Variants in CEP120 observed in about 807,000 individuals in gnomAD.
CEP120 encodes the protein centrosomal protein of 120 kDa.
Under a neutral mutation model 126.5 loss-of-function variants are expected in CEP120, and 113 were observed. That is an observed-to-expected ratio of 0.89 (90% CI 0.77 to 1.04). The LOEUF (loss-of-function observed/expected upper bound fraction) is 1.04. CEP120 is among the 50% of genes least tolerant of loss of function. The pLI is 0.00. For synonymous variants in CEP120, 400 were observed against 394.3 expected, an observed-to-expected ratio of 1.01 and a Z score of -0.17; for missense variants, 1,230 against 1,155.7, an observed-to-expected ratio of 1.06 and a Z score of -0.93.
chr5:123,422,504 T>C, intron 1 of CEP120: 2 of 1,535,454 alleles, frequency 1.3e-6, no homozygotes, highest in Non-Finnish European at 1.7e-6. Flanking sequence ...TTAAGAACTG[T>C]AGTCCCCTGA....
chr5:123,377,481 G>C lies in CEP120; in HGVS notation c.2251C>G (p.Leu751Val), dbSNP rs1771319304. The change falls in exon 16 of 20, where the codon CTG becomes GTG. Residue 751 changes from leucine (L) to valine (V), a missense_variant. Coordinates refer to ENST00000306467, the MANE Select transcript of CEP120 (RefSeq NM_001375405.1). Reference sequence around the variant, plus strand: ...TTGGCCCTACGGATAGAGTCCTGCAGTTCTTGCAGGTTCCGCTGACGTTCT... The same window carrying C: ...TTGGCCCTACGGATAGAGTCCTGCACTTCTTGCAGGTTCCGCTGACGTTCT... ...QSERQRNLQE[L>V]QDSIRRAKED... The C allele has an allele frequency of 6.2e-7, 1 of 1,602,176 alleles. No homozygotes were observed. The highest frequency in any genetic ancestry group is 8.5e-7 in the Non-Finnish European group (1 of 1,177,280).
At chr5:123,381,953 C>G (rs1034426895) in intron 14 of CEP120, among the ~76,000 whole-genome samples, 158 bp downstream of exon 14, 3 of 151,954 alleles carry the variant, frequency 2.0e-5, no homozygotes, top group Admixed American at 6.6e-5. Flanking sequence ...TACAGTGAAA[C>G]GCCTCCCTTC....
chr5:123,369,695 G>GGTGGTTAAGGA (rs1272755343), intron 17 of CEP120, among the ~76,000 whole-genome samples: 224 of 152,102 alleles, frequency 1.5e-3, no homozygotes, highest in African/African-American at 5.3e-3. Flanking sequence ...CCTCCTCAAA[G>GGTGGTTAAGGA]AGGCCTTCCT....
At chr5:123,367,658 A>G (rs541389302) in intron 17 of CEP120, among the ~76,000 whole-genome samples, 1 of 152,126 alleles carries the variant, frequency 6.6e-6, no homozygotes, top group East Asian at 1.9e-4. Context: ...CTAAAAGTGG[A>G]AACACCTCTG....
chr5:123,420,066 T>G (rs111908357), intron 1 of CEP120, among the ~76,000 whole-genome samples: 4 of 152,176 alleles, frequency 2.6e-5, no homozygotes, highest in African/African-American at 7.2e-5. Context: ...ACCTTGTGAG[T>G]TAAAGCCTGA....
intron 5 of CEP120, among the ~76,000 whole-genome samples, chr5:123,395,994 T>G (rs1313437383): frequency 6.7e-6 from 1 of 150,198 alleles, no homozygotes; most frequent in Non-Finnish European, 1.5e-5. Flanking sequence ...CATTCCTTTT[T>G]TTTTTTTTTT....
In CEP120 at chr5:123,345,097, C is replaced by T. The variant is rs1171646879; in HGVS notation, c.*1422G>A. On this transcript the variant is annotated 3_prime_UTR_variant, in exon 20 of 20. Coordinates refer to ENST00000306467, the MANE Select transcript of CEP120 (RefSeq NM_001375405.1). ...GCATTTTACCGCAGACCTTCCAAAA[C>T]ATAAGGCTTGCTTCTGTTCCATTCA... is the stretch of plus-strand genomic sequence containing the variant. The T allele has an allele frequency of 2.0e-5, 3 of 152,120 alleles. No homozygotes were observed. Among genetic ancestry groups the T allele is most frequent in the Non-Finnish European group, 2.9e-5 (2 of 68,028 alleles). 9.4% of individuals were successfully genotyped at this position (152,120 alleles called of 1,614,324 possible).
At chr5:123,357,630 C>T (rs963058829) in intron 18 of CEP120, among the ~76,000 whole-genome samples, 10 of 152,216 alleles carry the variant, frequency 6.6e-5, no homozygotes, top group South Asian at 2.1e-4. Context: ...GGCATGGTGA[C>T]GTGCACCTGT....
chr5:123,358,714 G>C (rs545926780), intron 18 of CEP120, among the ~76,000 whole-genome samples: 1 of 151,870 alleles, frequency 6.6e-6, no homozygotes, highest in Non-Finnish European at 1.5e-5. Flanking sequence ...ACACAAGTTA[G>C]AGGGTAGTGA....
At position 123,391,090 on chromosome 5, in the gene CEP120, G is replaced by A. The variant is rs368172739; in HGVS notation, c.1038+20C>T. 1.4e-4 allele frequency: 228 copies of A among 1,584,422 alleles called. 1 individual carries two copies. Among genetic ancestry groups the A allele is most frequent in the Middle Eastern group, 1.4e-3 (8 of 5,914 alleles). On this transcript the variant is annotated intron_variant, in intron 7 of 19. Transcript: ENST00000306467. ...ATGGGACTAGTGAAGCCAGGGGAATGAAGGAGGGCCACTACTTGCCTGGGA... is the reference window on the plus strand; with the variant it reads ...ATGGGACTAGTGAAGCCAGGGGAATAAAGGAGGGCCACTACTTGCCTGGGA...
intron 14 of CEP120, among the ~76,000 whole-genome samples, chr5:123,381,754 TAC>T (rs1434656042): frequency 6.7e-6 from 1 of 148,654 alleles, no homozygotes; most frequent in African/African-American, 2.5e-5. Context: ...TATATTCATA[TAC>T]ACACACACAT....
chr5:123,364,875 A>G (rs1257227637), intron 17 of CEP120, among the ~76,000 whole-genome samples: 4 of 151,632 alleles, frequency 2.6e-5, no homozygotes, highest in Admixed American at 2.6e-4. Context: ...AAACATATAT[A>G]TTATATAAAG....
At chr5:123,401,220 T>C in intron 4 of CEP120, 2 of 1,612,738 alleles carry the variant, frequency 1.2e-6, no homozygotes, top group South Asian at 2.2e-5. Flanking sequence ...CATCAGCTCC[T>C]GGTACTCACG....
At chr5:123,358,636 G>A (rs946711169) in intron 18 of CEP120, among the ~76,000 whole-genome samples, 5 of 151,928 alleles carry the variant, frequency 3.3e-5, no homozygotes, top group African/African-American at 4.8e-5. Context: ...TTTCTAAAAC[G>A]TAAGAAAATC....
intron 4 of CEP120, chr5:123,401,135 C>T (rs1240071166): frequency 6.2e-7 from 1 of 1,605,616 alleles, no homozygotes; most frequent in African/African-American, 1.3e-5. Context: ...GCATCCCAGA[C>T]TCCAGCCGGC....
At chr5:123,393,578 A>G in intron 5 of CEP120, 81 bp from the exon 6 acceptor site, 1 of 1,182,984 alleles carries the variant, frequency 8.5e-7, no homozygotes, top group East Asian at 2.4e-5. Flanking sequence ...CATTCCAAAA[A>G]CATTTGCTAA....
intron 4 of CEP120, among the ~76,000 whole-genome samples, chr5:123,409,192 T>A (rs1315948455): frequency 6.6e-6 from 1 of 152,166 alleles, no homozygotes; most frequent in African/African-American, 2.4e-5. Context: ...CATAATCTTA[T>A]CAATAGATGC....
intron 17 of CEP120, among the ~76,000 whole-genome samples, chr5:123,368,215 C>G (rs1264823861): frequency 1.4e-4 from 22 of 151,786 alleles, no homozygotes. Context: ...CCTAGTCAAC[C>G]AGTCTGTATT....
At chr5:123,368,314 C>A (rs2127010861) in intron 17 of CEP120, among the ~76,000 whole-genome samples, 1 of 151,942 alleles carries the variant, frequency 6.6e-6, no homozygotes, top group South Asian at 2.1e-4. Context: ...TCTTAGACAC[C>A]CACATAATAG....
Sources: gnomAD v4.1 joint callset for allele counts (sites outside exome capture counted in the v4.1 genomes callset) on GRCh38, gnomAD v4.1.1 for gene constraint, MANE v1.5 for transcripts, NCBI Gene and HGNC (gene_info 2026-07-23, HGNC 2026-07-21) for gene names.